VRK2: variants seen among roughly 807,000 people sequenced by gnomAD.
The protein encoded by VRK2 is serine/threonine-protein kinase VRK2.
A neutral mutation model predicts 57.6 loss-of-function variants in VRK2; 60 were observed. That is an observed-to-expected ratio of 1.04 (90% CI 0.85 to 1.29). The LOEUF (loss-of-function observed/expected upper bound fraction) is 1.29. VRK2 is among the 50% of genes most tolerant of loss of function. The pLI, the probability that VRK2 is intolerant of heterozygous loss-of-function variation, is 0.00. For missense variants in VRK2, 705 were observed against 588.1 expected (o/e 1.20, Z -2.06); for synonymous variants, 231 against 199.2 (o/e 1.16, Z -1.35).
intron 2 of VRK2, among the ~76,000 whole-genome samples, chr2:58,074,794 C>A (rs377593274): frequency 6.6e-6 from 1 of 152,032 alleles, no homozygotes; most frequent in South Asian, 2.1e-4. Context: ...AAAAACATTT[C>A]TTGCAAGGTG....
chr2:58,106,957 T>C (rs1674843999), intron 7 of VRK2, among the ~76,000 whole-genome samples: 1 of 151,926 alleles, frequency 6.6e-6, no homozygotes, highest in Non-Finnish European at 1.5e-5. Context: ...GCAGGGAAAT[T>C]GAGGAGAAAC....
intron 8 of VRK2, among the ~76,000 whole-genome samples, chr2:58,125,941 T>G (rs1158969915): frequency 6.6e-6 from 1 of 152,066 alleles, no homozygotes; most frequent in Non-Finnish European, 1.5e-5. Flanking sequence ...AGGATTTTAT[T>G]AGAAAATAAA....
chr2:57,976,007 G>A (rs140579257), intron 1 of VRK2, among the ~76,000 whole-genome samples: 128 of 152,116 alleles, frequency 8.4e-4, no homozygotes, highest in Admixed American at 2.2e-3. Flanking sequence ...ATAAGTGAGA[G>A]CATGTGGTAT....
At chr2:58,114,668 G>C (rs945863929) in intron 7 of VRK2, among the ~76,000 whole-genome samples, 7 of 151,590 alleles carry the variant, frequency 4.6e-5, no homozygotes, top group Admixed American at 3.9e-4. Flanking sequence ...TGAAGACGGA[G>C]GACCATAAGG....
At chr2:58,155,579 A>G (rs115073139) in intron 12 of VRK2, among the ~76,000 whole-genome samples, 1,565 of 152,202 alleles carry the variant, frequency 0.01, 24 homozygotes, top group African/African-American at 0.035. Flanking sequence ...CCTAACACCC[A>G]GTGGGATAGG....
chr2:58,023,496 T>C (rs116272929), intron 1 of VRK2, among the ~76,000 whole-genome samples: 1,579 of 152,310 alleles, frequency 0.01, 28 homozygotes, highest in African/African-American at 0.036. Context: ...TGTATATATA[T>C]ATCTGTACAA....
intron 3 of VRK2, among the ~76,000 whole-genome samples, chr2:58,037,281 C>A (rs986452930): frequency 6.6e-6 from 1 of 151,986 alleles, no homozygotes; most frequent in Non-Finnish European, 1.5e-5. Context: ...TTCATGACTT[C>A]CGTGCTACAC....
At chr2:58,037,228 T>A (rs1674304477) in intron 3 of VRK2, among the ~76,000 whole-genome samples, 1 of 151,956 alleles carries the variant, frequency 6.6e-6, no homozygotes, top group Admixed American at 6.6e-5. Flanking sequence ...GAGCCACCAT[T>A]CCCAGTGTCT....
In VRK2 at chr2:57,984,811, A is replaced by G. The variant is rs1025212551; in HGVS notation, c.-438-40854A>G. Among the ~76,000 whole-genome samples the G allele has an allele frequency of 7.2e-5, 11 of 152,088 alleles. No individual in the cohort carries two copies. In the East Asian group the frequency reaches 2.1e-3, roughly 29 times the overall value. On this transcript the variant is annotated intron_variant, in intron 1 of 15. Transcript: ENST00000417641. ...ACTATTACTGTTTACCCCCCAAAAG[A>G]AAAACAACTAGAAAGTATTAAAATT...
chr2:57,921,192 C>G (rs971215254), intron 1 of VRK2, among the ~76,000 whole-genome samples: 2 of 151,960 alleles, frequency 1.3e-5, no homozygotes, highest in African/African-American at 2.4e-5. Context: ...ATGCCACTTG[C>G]GAGGCCCCTT....
chr2:58,134,933 G>T (rs961964401), intron 9 of VRK2, among the ~76,000 whole-genome samples: 1 of 151,988 alleles, frequency 6.6e-6, no homozygotes, highest in African/African-American at 2.4e-5. Context: ...GTTAGTCTAG[G>T]TTATTGATAT....
At chr2:58,097,737 G>A (rs1673358685) in intron 7 of VRK2, among the ~76,000 whole-genome samples, 1 of 152,026 alleles carries the variant, frequency 6.6e-6, no homozygotes, top group South Asian at 2.1e-4. Context: ...AGTAATGCTG[G>A]TATAAACAAA....
intron 7 of VRK2, among the ~76,000 whole-genome samples, chr2:58,116,159 G>A (rs916650037): frequency 4.6e-5 from 7 of 152,136 alleles, no homozygotes; most frequent in South Asian, 4.1e-4. Flanking sequence ...GCTGTGGGAT[G>A]GGATATTGGC....
intron 1 of VRK2, among the ~76,000 whole-genome samples, chr2:57,924,312 T>C (rs977686854): frequency 1.3e-5 from 2 of 152,040 alleles, no homozygotes; most frequent in South Asian, 2.1e-4. Context: ...TTGTTTCCAC[T>C]AGAATGGACA....
rs546493564 is a variant in VRK2, at chr2:58,061,755, G to T, written c.136+12788G>T. On this transcript the variant is annotated intron_variant, in intron 2 of 12. Coordinates refer to ENST00000340157, the MANE Select transcript of VRK2 (RefSeq NM_006296.7). ...TATTGTTTATTTTTATCCTTGAAGAGAAAGCAGACCTTCAATAAGAAATTG... is the reference window on the plus strand; with the variant it reads ...TATTGTTTATTTTTATCCTTGAAGATAAAGCAGACCTTCAATAAGAAATTG... Among the ~76,000 whole-genome samples, 3 of 152,096 alleles carry T rather than the reference G, an allele frequency of 2.0e-5. No individual in the cohort carries two copies. The South Asian group carries it at 6.2e-4, about 32-fold the overall frequency.
intron 1 of VRK2, among the ~76,000 whole-genome samples, chr2:58,021,774 T>C (rs114337426): frequency 0.012 from 1,828 of 152,260 alleles, 39 homozygotes; most frequent in African/African-American, 0.041. Context: ...ATTATCACAA[T>C]TGGCTACCGA....
At chr2:58,080,952 G>C (rs1242804098) in intron 2 of VRK2, among the ~76,000 whole-genome samples, 1 of 151,830 alleles carries the variant, frequency 6.6e-6, no homozygotes, top group Non-Finnish European at 1.5e-5. Context: ...AATTTCTTTT[G>C]TGTTTCTGTA....
At chr2:58,062,074 C>T (rs1319388859) in intron 2 of VRK2, among the ~76,000 whole-genome samples, 1 of 151,964 alleles carries the variant, frequency 6.6e-6, no homozygotes, top group Non-Finnish European at 1.5e-5. Flanking sequence ...TTTCCAGCAG[C>T]GTGGGCTTCA....
chr2:58,033,659 T>G (rs541307473), intron 3 of VRK2: 1 of 152,068 alleles, frequency 6.6e-6, no homozygotes, highest in Non-Finnish European at 1.5e-5. Context: ...AGTAAAAATA[T>G]CCTCTTTAAT....
Sources: gnomAD v4.1 joint callset for allele counts (sites outside exome capture counted in the v4.1 genomes callset) on GRCh38, gnomAD v4.1.1 for gene constraint, MANE v1.5 for transcripts, NCBI Gene and HGNC (gene_info 2026-07-23, HGNC 2026-07-21) for gene names.